The following PABPC4L variants were observed in gnomAD, a reference collection of about 807,000 sequenced individuals.
PABPC4L encodes the protein polyadenylate-binding protein 4-like.
For synonymous variants in PABPC4L, 169 were observed against 164.1 expected (o/e 1.03, Z -0.23); for missense variants, 452 against 451.4 (o/e 1.00, Z -0.01).
the PABPC4L span, among the ~76,000 whole-genome samples, chr4:134,053,330 TG>T: frequency 6.6e-6 from 1 of 152,138 alleles, no homozygotes; most frequent in African/African-American, 2.4e-5. Context: ...TGAATGTGGA[TG>T]GGCACCCTTG....
chr4:134,054,877 G>A, the PABPC4L span, among the ~76,000 whole-genome samples: 1 of 151,902 alleles, frequency 6.6e-6, no homozygotes, highest in African/African-American at 2.4e-5. Flanking sequence ...ATTTCTTTGG[G>A]GAAAATGTCC....
the PABPC4L span, among the ~76,000 whole-genome samples, chr4:134,085,366 T>C: frequency 1.3e-5 from 2 of 152,138 alleles, no homozygotes; most frequent in East Asian, 1.9e-4. Flanking sequence ...CATGTACATA[T>C]ACAAATCTAT....
At chr4:133,999,765 T>G in the PABPC4L span, among the ~76,000 whole-genome samples, 1 of 151,942 alleles carries the variant, frequency 6.6e-6, no homozygotes, top group Non-Finnish European at 1.5e-5. Context: ...TATTTGGTCG[T>G]TTGAGGAGAG....
chr4:134,080,263 A>C, the PABPC4L span, among the ~76,000 whole-genome samples: 3 of 152,192 alleles, frequency 2.0e-5, no homozygotes, highest in Admixed American at 6.5e-5. Flanking sequence ...CCATAGTTCA[A>C]AAGAGAGTCT....
chr4:134,049,328 C>G, the PABPC4L span, among the ~76,000 whole-genome samples: 5 of 152,068 alleles, frequency 3.3e-5, no homozygotes, highest in African/African-American at 9.7e-5. Context: ...TTCCAAGATG[C>G]CTTTCCTCTT....
At chr4:134,066,500 A>G in the PABPC4L span, among the ~76,000 whole-genome samples, 2 of 152,064 alleles carry the variant, frequency 1.3e-5, no homozygotes, top group Non-Finnish European at 2.9e-5. Context: ...GAATAGTTTG[A>G]CTTCCTCTCT....
chr4:133,955,722 G>C, the PABPC4L span, among the ~76,000 whole-genome samples: 1 of 152,154 alleles, frequency 6.6e-6, no homozygotes, highest in Non-Finnish European at 1.5e-5. Context: ...ATTTCTGCCA[G>C]TTTCTGGAAT....
chr4:134,201,089 G>T lies in PABPC4L; in HGVS notation c.-70C>A. On this transcript the variant is annotated 5_prime_UTR_variant, in exon 2 of 2. Transcript: ENST00000421491. ...AGCAATCCCTGTGGGGGGATACTAG[G>T]TCACAGCTTTGGCCCGGTTCAAGTG... 1 of 1,551,098 alleles carries T rather than the reference G, an allele frequency of 6.4e-7. No individual in the cohort carries two copies. The highest frequency in any genetic ancestry group is 8.7e-7 in the Non-Finnish European group (1 of 1,146,924).
the PABPC4L span, among the ~76,000 whole-genome samples, chr4:134,175,884 A>C: frequency 2.0e-5 from 3 of 152,214 alleles, no homozygotes; most frequent in Admixed American, 2.0e-4. Flanking sequence ...ATAGAAGAAA[A>C]AAAATTGAAT....
At chr4:134,153,810 G>GTT in the PABPC4L span, among the ~76,000 whole-genome samples, 224 of 77,598 alleles carry the variant, frequency 2.9e-3, 9 homozygotes, top group African/African-American at 9.8e-3. Context: ...CCTATGCCTA[G>GTT]TTTTTTTTTT....
At chr4:134,072,828 G>A in the PABPC4L span, among the ~76,000 whole-genome samples, 172 of 152,160 alleles carry the variant, frequency 1.1e-3, no homozygotes, top group African/African-American at 3.7e-3. Flanking sequence ...GATAGCTGAC[G>A]AGCACAAGGG....
At chr4:133,956,972 C>T in the PABPC4L span, among the ~76,000 whole-genome samples, 2 of 152,108 alleles carry the variant, frequency 1.3e-5, no homozygotes, top group Admixed American at 6.5e-5. Flanking sequence ...ATAGGAACTA[C>T]AATTTTAGAT....
the PABPC4L span, among the ~76,000 whole-genome samples, chr4:134,078,439 T>G: frequency 6.6e-6 from 1 of 152,182 alleles, no homozygotes; most frequent in Non-Finnish European, 1.5e-5. Context: ...TACTATTGCT[T>G]GTGCTTGCCA....
the PABPC4L span, among the ~76,000 whole-genome samples, chr4:134,155,099 T>C: frequency 6.6e-6 from 1 of 151,984 alleles, no homozygotes; most frequent in Non-Finnish European, 1.5e-5. Flanking sequence ...TTGCCAGAGG[T>C]GACATGATTT....
the PABPC4L span, among the ~76,000 whole-genome samples, chr4:133,984,005 A>G: frequency 6.6e-6 from 1 of 152,014 alleles, no homozygotes; most frequent in East Asian, 1.9e-4. Context: ...TAAATTATAT[A>G]TGTAATCTAG....
the PABPC4L span, among the ~76,000 whole-genome samples, chr4:133,991,818 A>C: frequency 2.6e-5 from 4 of 152,240 alleles, no homozygotes; most frequent in East Asian, 7.7e-4. Context: ...TTTAAATTAG[A>C]TATATTGTAA....
chr4:134,169,231 A>G, the PABPC4L span, among the ~76,000 whole-genome samples: 1 of 152,080 alleles, frequency 6.6e-6, no homozygotes, highest in Admixed American at 6.6e-5. Flanking sequence ...TGCTGATAAA[A>G]CTTTTGATAA....
chr4:134,167,754 A>G, the PABPC4L span, among the ~76,000 whole-genome samples: 7 of 152,054 alleles, frequency 4.6e-5, no homozygotes, highest in African/African-American at 1.4e-4. Flanking sequence ...TTGTAAATAT[A>G]TATGCACTCA....
At chr4:134,161,239 T>C in the PABPC4L span, among the ~76,000 whole-genome samples, 1 of 148,838 alleles carries the variant, frequency 6.7e-6, no homozygotes, top group African/African-American at 2.5e-5. Flanking sequence ...AAATACACAG[T>C]CAGAGAAGAA....
Sources: gnomAD v4.1 joint callset for allele counts (sites outside exome capture counted in the v4.1 genomes callset) on GRCh38, gnomAD v4.1.1 for gene constraint, MANE v1.5 for transcripts, NCBI Gene and HGNC (gene_info 2026-07-23, HGNC 2026-07-21) for gene names.